The following NBEAL1 variants were observed in gnomAD, a reference collection of about 807,000 sequenced individuals.
NBEAL1 encodes the protein neurobeachin like 1, also known as neurobeachin-like protein 1.
A neutral mutation model predicts 351.3 loss-of-function variants in NBEAL1; 273 were observed. That is an observed-to-expected ratio of 0.78 (90% CI 0.70 to 0.86). The LOEUF is 0.86. NBEAL1 is among the 40% of genes least tolerant of loss of function. The pLI is 0.00. For synonymous variants in NBEAL1, 1,050 were observed against 1,086.4 expected (o/e 0.97, Z 0.66); for missense variants, 2,961 against 3,201.3 (o/e 0.92, Z 1.81).
At chr2:203,015,565 A>G (rs2060664490) in intron 1 of NBEAL1, among the ~76,000 whole-genome samples, 7 of 151,700 alleles carry the variant, frequency 4.6e-5, no homozygotes, top group Admixed American at 4.6e-4. Flanking sequence ...GGTTCAAGCA[A>G]TTCTCCTGCC....
At chr2:203,099,767 A>G (rs2062271770) in intron 12 of NBEAL1, 55 bp downstream of exon 12, 3 of 1,199,976 alleles carry the variant, frequency 2.5e-6, no homozygotes. Context: ...TTTTAGGTTC[A>G]GGGGTACATG....
At chr2:203,187,592 T>A (rs1300327167) in intron 44 of NBEAL1, among the ~76,000 whole-genome samples, 1 of 151,378 alleles carries the variant, frequency 6.6e-6, no homozygotes, top group Non-Finnish European at 1.5e-5. Context: ...ATACAAAAAA[T>A]TAGCTGGGCG....
rs1487882678 is a variant in NBEAL1, at chr2:203,135,788, A to C, written c.3925A>C (p.Asn1309His). 6.2e-7 allele frequency: 1 copy of C among 1,611,932 alleles called. No homozygotes were observed. The highest frequency in any genetic ancestry group is 1.7e-5 in the Admixed American group (1 of 59,664). Reference sequence around the variant, plus strand: ...TTTAAAAGCAAAATTTGAAAACGGAAATACTCTTCATAAGCACAGTAGAGC... The same window carrying C: ...TTTAAAAGCAAAATTTGAAAACGGACATACTCTTCATAAGCACAGTAGAGC... The part of the protein sequence containing the change: ...LFLKAKFENG[N>H]TLHKHSRAVL... Residue 1309 changes from asparagine (N) to histidine (H), a missense_variant, in exon 28 of 56, where the codon AAT becomes CAT. Physicochemically the swap from Asn to His is moderately conservative, Grantham distance 68. Coordinates refer to ENST00000683969, the MANE Select transcript of NBEAL1 (RefSeq NM_001378026.1).
chr2:203,144,779 T>C lies in NBEAL1; in HGVS notation c.5028T>C (p.Ile1676=). Residue 1676 remains isoleucine, a synonymous_variant, in exon 32 of 56, where the codon ATT becomes ATC. Transcript: ENST00000683969. ...TTGTTCGTACCCTGGTTTCCAAAAT[T>C]TATGAGCTTCTCTTCATGAACTTGC... The part of the protein sequence containing the change: ...IPLVRTLVSK[I]YELLFMNLHL... The C allele has an allele frequency of 6.2e-7, 1 of 1,614,170 alleles. No homozygotes were observed. Among genetic ancestry groups the C allele is most frequent in the Non-Finnish European group, 8.5e-7 (1 of 1,180,002 alleles).
intron 47 of NBEAL1, among the ~76,000 whole-genome samples, chr2:203,195,180 CAA>C (rs758936224): frequency 2.4e-5 from 3 of 124,290 alleles, no homozygotes; most frequent in Non-Finnish European, 1.7e-5. Flanking sequence ...GACTCCATCT[CAA>C]AAAAAAAAAA....
intron 54 of NBEAL1, among the ~76,000 whole-genome samples, chr2:203,212,542 A>T (rs933191127): frequency 6.8e-6 from 1 of 147,644 alleles, no homozygotes; most frequent in Non-Finnish European, 1.5e-5. Flanking sequence ...CAGGAGGCAG[A>T]GGTTGCAGTG....
At chr2:203,186,094 G>A (rs1459845196) in intron 44 of NBEAL1, among the ~76,000 whole-genome samples, 2 of 152,154 alleles carry the variant, frequency 1.3e-5, no homozygotes, top group African/African-American at 4.8e-5. Flanking sequence ...GTAAATCTTC[G>A]TTGGTCATAA....
intron 10 of NBEAL1, among the ~76,000 whole-genome samples, chr2:203,088,592 A>G (rs1028047012): frequency 8.5e-5 from 13 of 152,204 alleles, no homozygotes; most frequent in Non-Finnish European, 1.0e-4. Flanking sequence ...TCTATCTCCT[A>G]TTAAACAATC....
chr2:203,213,582 G>T lies in NBEAL1; in HGVS notation c.7999G>T (p.Glu2667Ter). The T allele has an allele frequency of 6.2e-7, 1 of 1,614,028 alleles. No individual in the cohort carries two copies. The highest frequency in any genetic ancestry group is 8.5e-7 in the Non-Finnish European group (1 of 1,179,950). Residue 2667 changes from glutamate to a stop codon, truncating the protein, a stop_gained, in exon 55 of 56, where the codon GAA becomes TAA. Transcript: ENST00000683969. LOFTEE classifies it high-confidence loss of function. ...TATCCATTGTGTTTGTGTCACCAAA[G>T]AATACAGCCATATTCTTGTAGGTTT... ...LPIHCVCVTK[E>*]YSHILVGLED...
intron 31 of NBEAL1, among the ~76,000 whole-genome samples, chr2:203,143,520 C>T (rs1277786809): frequency 6.9e-6 from 1 of 145,730 alleles, no homozygotes; most frequent in East Asian, 1.9e-4. Flanking sequence ...AGTCAGGGCT[C>T]CAGTTCCATT....
intron 2 of NBEAL1, among the ~76,000 whole-genome samples, chr2:203,029,781 G>A (rs2060921138): frequency 6.6e-6 from 1 of 151,100 alleles, no homozygotes; most frequent in Non-Finnish European, 1.5e-5. Context: ...AGCCTATTTT[G>A]TATATATACA....
intron 33 of NBEAL1, among the ~76,000 whole-genome samples, chr2:203,147,556 A>G (rs901045530): frequency 6.6e-6 from 1 of 152,146 alleles, no homozygotes. Context: ...GTATTCATGA[A>G]TTGGAAGACT....
At chr2:203,136,463 C>A in intron 28 of NBEAL1, 136 bp from the exon 29 acceptor site, 1 of 753,948 alleles carries the variant, frequency 1.3e-6, no homozygotes, top group Non-Finnish European at 2.1e-6. Context: ...TCTCTAGGGC[C>A]TAGTAAAGTT....
Position 203,107,473 on chromosome 2 carries a change from C to G in NBEAL1, c.1323C>G (p.Ser441=). The G allele has an allele frequency of 6.4e-7, 1 of 1,551,292 alleles. No individual in the cohort carries two copies. Among genetic ancestry groups the G allele is most frequent in the East Asian group, 2.4e-5 (1 of 41,130 alleles). The change falls in exon 13 of 56, where the codon TCC becomes TCG. Residue 441 remains serine (S), a synonymous_variant. Transcript: ENST00000683969. ...CACATATGCTTGAAGTATTAAAATCCCTGGGTCAGCCACCACTGGAATTAC... is the reference window on the plus strand; with the variant it reads ...CACATATGCTTGAAGTATTAAAATCGCTGGGTCAGCCACCACTGGAATTAC... The part of the protein sequence containing the change: ...GYTHMLEVLK[S]LGQPPLELLK...
In NBEAL1 at chr2:203,083,272, A is replaced by G. The variant is rs2061904565; in HGVS notation, c.738A>G (p.Val246=). 2 of 1,552,388 alleles carry G rather than the reference A, an allele frequency of 1.3e-6. No individual in the cohort carries two copies. The change falls in exon 9 of 56, where the codon GTA becomes GTG. Residue 246 remains valine, a synonymous_variant. Coordinates refer to ENST00000683969, the MANE Select transcript of NBEAL1 (RefSeq NM_001378026.1). ...SPATMEVLMR[V]LADCDSWEDG... ...CCACTATGGAAGTTCTTATGCGAGTATTGGCAGATTGTGATTCCTGGGAGG... is the reference window on the plus strand; with the variant it reads ...CCACTATGGAAGTTCTTATGCGAGTGTTGGCAGATTGTGATTCCTGGGAGG...
chr2:203,215,171 C>G (rs2065876104), intron 55 of NBEAL1, among the ~76,000 whole-genome samples: 1 of 152,086 alleles, frequency 6.6e-6, no homozygotes, highest in African/African-American at 2.4e-5. Context: ...TCTCAGCCAA[C>G]ATGGTGAAAC....
In NBEAL1 at chr2:203,203,917, GTTT is replaced by G. The variant is rs958400955; in HGVS notation, c.7506+1142_7506+1144del. Among the ~76,000 whole-genome samples the G allele has an allele frequency of 9.6e-3, 1,453 of 151,086 alleles. 9 individuals carry two copies. The highest frequency in any genetic ancestry group is 0.017 in the Non-Finnish European group (1,172 of 67,766). ...AGCCATACCCTCTTTTGTTTTTTGT[GTTT>G]TTTTTGTTATTTTTTGTTTTTTTGA... On this transcript the variant is annotated intron_variant, in intron 51 of 55. Transcript: ENST00000683969.
At chr2:203,136,461 G>A in intron 28 of NBEAL1, 138 bp from the exon 29 acceptor site, 1 of 751,978 alleles carries the variant, frequency 1.3e-6, no homozygotes, top group South Asian at 2.1e-5. Context: ...TGTCTCTAGG[G>A]CCTAGTAAAG....
At position 203,138,239 on chromosome 2, in the gene NBEAL1, C is replaced by G. The variant is rs1360148617; in HGVS notation, c.4643C>G (p.Ala1548Gly). Residue 1548 changes from alanine (A) to glycine (G), a missense_variant, in exon 30 of 56, where the codon GCC becomes GGC. Ala to Gly is a moderately conservative substitution (Grantham distance 60, BLOSUM62 0). Transcript: ENST00000683969. Reference sequence around the variant, plus strand: ...ACTAATCCAGTAACTGCTGAAAACGCCTTCCGACTAGTGCTGATCATACAG... The same window carrying G: ...ACTAATCCAGTAACTGCTGAAAACGGCTTCCGACTAGTGCTGATCATACAG... ...AKTNPVTAEN[A>G]FRLVLIIQDF... 1.2e-6 allele frequency: 2 copies of G among 1,614,018 alleles called. No homozygotes were observed. Among genetic ancestry groups the G allele is most frequent in the South Asian group, 2.2e-5 (2 of 91,072 alleles).
Sources: gnomAD v4.1 joint callset for allele counts (sites outside exome capture counted in the v4.1 genomes callset) on GRCh38, gnomAD v4.1.1 for gene constraint, MANE v1.5 for transcripts, NCBI Gene and HGNC (gene_info 2026-07-23, HGNC 2026-07-21) for gene names.